Variants in MARK2 observed in about 807,000 individuals in gnomAD.
MARK2 encodes the protein microtubule affinity regulating kinase 2, also known as serine/threonine-protein kinase MARK2.
In MARK2, 16 loss-of-function variants were observed where a neutral mutation model predicts 89.8. The ratio of observed to expected loss-of-function variants is 0.18; its 90% CI spans 0.12 to 0.27. The LOEUF (loss-of-function observed/expected upper bound fraction) is 0.27, where lower values mean the gene tolerates loss of function less well. MARK2 is among the 10% of genes least tolerant of loss of function. MARK2 has a pLI of 1.00. For synonymous variants in MARK2, 382 were observed against 399.5 expected, an observed-to-expected ratio of 0.96 and a Z score of 0.52; for missense variants, 621 against 1,049.9, an observed-to-expected ratio of 0.59 and a Z score of 5.65.
At position 63,839,300 on chromosome 11, in the gene MARK2, C is replaced by G. The variant is rs1413958835; in HGVS notation, c.-207C>G. 2.7e-6 allele frequency: 1 copy of G among 364,220 alleles called. No homozygotes were observed. The highest frequency in any genetic ancestry group is 4.4e-5 in the East Asian group (1 of 22,546). The allele number at this position is 364,220 out of a possible 1,614,324, so 22.6% of individuals were successfully genotyped here. On this transcript the variant is annotated 5_prime_UTR_variant, in exon 1 of 19. Coordinates refer to ENST00000402010, the MANE Select transcript of MARK2 (RefSeq NM_001039469.3). ...CAGCCGGGGGTCGGGGGGGTGCGGT[C>G]CGGAGCCGCTCGGAGCCGGCGCGGC...
chr11:63,859,393 C>T lies in MARK2; in HGVS notation c.54+19833C>T, dbSNP rs557843291. Among the ~76,000 whole-genome samples the T allele has an allele frequency of 2.0e-5, 3 of 151,884 alleles. No homozygotes were observed. In the South Asian group the frequency reaches 6.2e-4, roughly 32 times the overall value. On this transcript the variant is annotated intron_variant, in intron 1 of 18. Transcript: ENST00000402010. ...GGAGTGCAGTGGCACGATCTCGGCCCACGGCAACCCTCCGCCTCACAGGTT... is the reference window on the plus strand; with the variant it reads ...GGAGTGCAGTGGCACGATCTCGGCCTACGGCAACCCTCCGCCTCACAGGTT...
intron 1 of MARK2, among the ~76,000 whole-genome samples, chr11:63,840,011 A>T (rs2015929023): frequency 1.3e-5 from 2 of 152,070 alleles, no homozygotes; most frequent in Admixed American, 1.3e-4. Flanking sequence ...CGGTTCTGCC[A>T]GTCTCTGGGT....
intron 3 of MARK2, among the ~76,000 whole-genome samples, chr11:63,897,752 G>T (rs1004189954): frequency 6.6e-6 from 1 of 152,182 alleles, no homozygotes; most frequent in Non-Finnish European, 1.5e-5. Context: ...GCCCAGGAAG[G>T]AAAGGCCTAT....
In MARK2 at chr11:63,880,591, C is replaced by T. The variant is rs760059790; in HGVS notation, c.55-14568C>T. On this transcript the variant is annotated intron_variant, in intron 1 of 18. Transcript: ENST00000402010. ...TTTTGATAGCAAAGCAGTAGAGAAA[C>T]TAAATGTAGAGAGGCAGAGAGAACT... 5.3e-5 allele frequency among the ~76,000 whole-genome samples: 8 copies of T among 152,146 alleles called. No individual in the cohort carries two copies. The South Asian group carries it at 6.2e-4, about 12-fold the overall frequency.
chr11:63,897,156 A>G (rs1590673301), intron 3 of MARK2, among the ~76,000 whole-genome samples: 1 of 152,254 alleles, frequency 6.6e-6, no homozygotes, highest in South Asian at 2.1e-4. Flanking sequence ...GAAGAATGTC[A>G]CTTCCATGCC....
intron 1 of MARK2, among the ~76,000 whole-genome samples, chr11:63,839,821 T>C (rs1190490457): frequency 6.6e-6 from 1 of 152,032 alleles, no homozygotes; most frequent in African/African-American, 2.4e-5. Flanking sequence ...CTCTTCCGTG[T>C]CACCTCCCCA....
intron 1 of MARK2, among the ~76,000 whole-genome samples, chr11:63,871,923 G>A (rs1417151583): frequency 6.6e-6 from 1 of 152,226 alleles, no homozygotes; most frequent in African/African-American, 2.4e-5. Context: ...GGCTGTCCAG[G>A]ATTTCAATCC....
intron 1 of MARK2, among the ~76,000 whole-genome samples, chr11:63,841,012 A>G (rs1185849644): frequency 1.3e-5 from 2 of 151,632 alleles, no homozygotes; most frequent in Non-Finnish European, 2.9e-5. Context: ...CCTGCCTGTC[A>G]TACCTTTCTT....
intron 16 of MARK2, 123 bp from the exon 17 acceptor site, chr11:63,905,965 C>T (rs969936361): frequency 1.1e-5 from 8 of 760,020 alleles, no homozygotes; most frequent in Middle Eastern, 2.5e-4. Context: ...GCGGCTCTTC[C>T]GAAAATGGGA....
intron 1 of MARK2, among the ~76,000 whole-genome samples, chr11:63,852,156 A>G (rs750636360): frequency 6.6e-5 from 10 of 152,210 alleles, no homozygotes; most frequent in Non-Finnish European, 1.0e-4. Context: ...TCTTCTGGCT[A>G]ATGAAATGTG....
At chr11:63,847,452 CT>C (rs952269544) in intron 1 of MARK2, among the ~76,000 whole-genome samples, 2 of 152,070 alleles carry the variant, frequency 1.3e-5, no homozygotes, top group African/African-American at 4.8e-5. Context: ...TGGCCTTTTT[CT>C]TTTTAACATG....
At chr11:63,874,063 C>T (rs1938605220) in intron 1 of MARK2, among the ~76,000 whole-genome samples, 2 of 152,196 alleles carry the variant, frequency 1.3e-5, no homozygotes, top group Admixed American at 1.3e-4. Flanking sequence ...GCTTCTGTGG[C>T]CTGTAGTGCC....
At chr11:63,841,499 C>T (rs2016014150) in intron 1 of MARK2, among the ~76,000 whole-genome samples, 1 of 152,234 alleles carries the variant, frequency 6.6e-6, no homozygotes, top group African/African-American at 2.4e-5. Flanking sequence ...TCTCCCTTGC[C>T]TACCGGCTGT....
chr11:63,898,290 A>G lies in MARK2; in HGVS notation c.337+10A>G. On this transcript the variant is annotated intron_variant, in intron 4 of 18. Transcript: ENST00000402010. ...AATCATCCCAACATAGGTGAGCACA[A>G]GTTGTTATTTCTTTCTTCTTCCCCA... 1.2e-6 allele frequency: 2 copies of G among 1,612,458 alleles called. No individual in the cohort carries two copies. Among genetic ancestry groups the G allele is most frequent in the Non-Finnish European group, 1.7e-6 (2 of 1,178,550 alleles).
chr11:63,903,416 G>A lies in MARK2; in HGVS notation c.1514+258G>A. 6.0e-6 allele frequency: 3 copies of A among 498,386 alleles called. No individual in the cohort carries two copies. The South Asian group carries it at 6.1e-5, about 10-fold the overall frequency. 30.9% of individuals were successfully genotyped at this position (498,386 alleles called of 1,614,324 possible). A position where few individuals can be genotyped will look rare whatever the true frequency, so the allele number is the denominator to read the frequency against. ...CATCTCAGCTACATGCTCGCTTCTT[G>A]ACCACGGCCAGGGCATGGCAGCTGC... On this transcript the variant is annotated intron_variant, in intron 14 of 18. Coordinates refer to ENST00000402010, the MANE Select transcript of MARK2 (RefSeq NM_001039469.3). This position sits in a 1 kb window ranked among gnomAD's most constrained non-coding sequence, Gnocchi z 5.1.
intron 1 of MARK2, among the ~76,000 whole-genome samples, chr11:63,856,504 C>G (rs926150472): frequency 1.3e-5 from 2 of 148,998 alleles, no homozygotes; most frequent in Non-Finnish European, 3.0e-5. Context: ...CTCATTGCAG[C>G]CTTGACCTCT....
chr11:63,846,757 G>A (rs1249766408), intron 1 of MARK2, among the ~76,000 whole-genome samples: 2 of 150,990 alleles, frequency 1.3e-5, no homozygotes, highest in Admixed American at 6.6e-5. Flanking sequence ...CCGGATTCAC[G>A]CCATTCTCCT....
intron 1 of MARK2, among the ~76,000 whole-genome samples, chr11:63,889,709 C>T (rs1337827370): frequency 6.6e-6 from 1 of 152,272 alleles, no homozygotes; most frequent in Non-Finnish European, 1.5e-5. Flanking sequence ...AGCCCTACTT[C>T]TGAATCAGGC....
At chr11:63,860,654 C>T (rs1414295956) in intron 1 of MARK2, among the ~76,000 whole-genome samples, 1 of 151,782 alleles carries the variant, frequency 6.6e-6, no homozygotes, top group African/African-American at 2.4e-5. Context: ...GTCAGGAGTT[C>T]GAGACCAGCC....
Sources: gnomAD v4.1 joint callset for allele counts (sites outside exome capture counted in the v4.1 genomes callset) on GRCh38, gnomAD v4.1.1 for gene constraint, Gnocchi (gnomAD v3.1) non-coding constraint, MANE v1.5 for transcripts, NCBI Gene and HGNC (gene_info 2026-07-23, HGNC 2026-07-21) for gene names.